CNTNAP3B: variants seen among roughly 807,000 people sequenced by gnomAD.
CNTNAP3B encodes contactin associated protein family member 3B, also known as contactin-associated protein-like 3B.
Under a neutral mutation model 108.9 loss-of-function variants are expected in CNTNAP3B, and 25 were observed. The observed-to-expected ratio is 0.23, with a 90% CI of 0.17 to 0.32. The LOEUF (loss-of-function observed/expected upper bound fraction) is 0.32, where lower values mean the gene tolerates loss of function less well. Among genes scored for constraint, CNTNAP3B ranks in the 10% least tolerant of loss-of-function variants. The pLI, the probability that CNTNAP3B is intolerant of heterozygous loss-of-function variation, is 1.00. For synonymous variants in CNTNAP3B, 103 were observed against 473.4 expected (o/e 0.22, Z 10.16); for missense variants, 252 against 1,210.4 (o/e 0.21, Z 11.75).
intron 2 of CNTNAP3B, among the ~76,000 whole-genome samples, chr9:42,103,594 G>T (rs1181648789): frequency 8.8e-6 from 1 of 114,090 alleles, no homozygotes; most frequent in South Asian, 2.8e-4. Flanking sequence ...AATTAGTCAG[G>T]CCTGGTGGCG....
intron 15 of CNTNAP3B, among the ~76,000 whole-genome samples, chr9:41,925,344 A>C (rs1823786110): frequency 6.6e-6 from 1 of 152,174 alleles, no homozygotes; most frequent in African/African-American, 2.4e-5. Context: ...CTGTAATCCC[A>C]GCAGTTTGGG....
At chr9:42,123,648 C>T (rs1387763274) in intron 1 of CNTNAP3B, among the ~76,000 whole-genome samples, 1 of 135,712 alleles carries the variant, frequency 7.4e-6, no homozygotes, top group Non-Finnish European at 1.6e-5. Context: ...TAAAAGATTC[C>T]CAATATGTAT....
At position 41,934,118 on chromosome 9, in the gene CNTNAP3B, TATATAC is replaced by T. The variant is rs1419937850; in HGVS notation, c.2237+4120_2237+4125del. On this transcript the variant is annotated intron_variant, in intron 14 of 23. Coordinates refer to ENST00000377561, the MANE Select transcript of CNTNAP3B (RefSeq NM_001201380.3). ...TTTGTTACATATATATATATATATATATATACACACACATATATATATACACACACA... is the reference window on the plus strand; with the variant it reads ...TTTGTTACATATATATATATATATATACACACATATATATATACACACACA... Among the ~76,000 whole-genome samples, 108 of 130,700 alleles carry T rather than the reference TATATAC, an allele frequency of 8.3e-4. 3 individuals are homozygous for T. Among genetic ancestry groups the T allele is most frequent in the Non-Finnish European group, 1.0e-3 (63 of 62,664 alleles). The allele number at this position is 130,700 out of a possible 152,430, so 85.7% of individuals were successfully genotyped here. A position where few individuals can be genotyped will look rare whatever the true frequency, so the allele number is the denominator to read the frequency against.
chr9:42,105,880 A>G (rs1424052088), intron 1 of CNTNAP3B, among the ~76,000 whole-genome samples: 1 of 53,682 alleles, frequency 1.9e-5, no homozygotes, highest in African/African-American at 6.4e-5. Context: ...ATATATCATT[A>G]GATGATTCTG....
rs531065042 is a variant in CNTNAP3B at position 42,086,466 on chromosome 9, C to T, written c.197-9404G>A. ...TTACATTTTTTTTTACATTTTACAA[C>T]AGGCGGAGTCTCGCTCTGTTGCCCA... On this transcript the variant is annotated intron_variant, in intron 2 of 23. Transcript: ENST00000377561. 5.2e-4 allele frequency among the ~76,000 whole-genome samples: 72 copies of T among 139,066 alleles called. 1 individual carries two copies. Among genetic ancestry groups the T allele is most frequent in the African/African-American group, 1.9e-3 (69 of 35,418 alleles). The allele number at this position is 139,066 out of a possible 152,430, so 91.2% of individuals were successfully genotyped here. A position where few individuals can be genotyped will look rare whatever the true frequency, so the allele number is the denominator to read the frequency against.
chr9:41,995,890 G>A (rs1825890189), intron 7 of CNTNAP3B, among the ~76,000 whole-genome samples: 1 of 143,768 alleles, frequency 7.0e-6, no homozygotes, highest in Non-Finnish European at 1.5e-5. Flanking sequence ...ACAAAAATTA[G>A]CTGGGCATGG....
intron 3 of CNTNAP3B, among the ~76,000 whole-genome samples, chr9:42,067,564 A>C (rs1342278369): frequency 6.6e-6 from 1 of 152,116 alleles, no homozygotes; most frequent in Non-Finnish European, 1.5e-5. Context: ...TAAATGAGAA[A>C]GCTAGAACTT....
chr9:42,016,913 T>TTG (rs1057174497), intron 3 of CNTNAP3B, among the ~76,000 whole-genome samples: 7 of 151,300 alleles, frequency 4.6e-5, no homozygotes, highest in Admixed American at 1.3e-4. Context: ...CCTCTGCAAT[T>TTG]TGTGTGTGTG....
intron 13 of CNTNAP3B, among the ~76,000 whole-genome samples, chr9:41,944,255 A>G (rs1278642005): frequency 1.4e-4 from 21 of 148,872 alleles, no homozygotes; most frequent in Non-Finnish European, 2.4e-4. Flanking sequence ...GAAAGGTAGG[A>G]GCATTAGAGA....
intron 10 of CNTNAP3B, among the ~76,000 whole-genome samples, chr9:41,969,067 A>C (rs1335943180): frequency 7.9e-5 from 12 of 152,294 alleles, no homozygotes; most frequent in Admixed American, 3.3e-4. Context: ...AAGTGCTGGG[A>C]TTACAGGCGT....
At chr9:41,987,658 GT>G (rs1825733380) in intron 8 of CNTNAP3B, among the ~76,000 whole-genome samples, 2 of 130,298 alleles carry the variant, frequency 1.5e-5, no homozygotes, top group Non-Finnish European at 3.4e-5. Flanking sequence ...GTCTTTGATG[GT>G]AAATTTAAAT....
chr9:41,919,616 C>G (rs1823614462), intron 18 of CNTNAP3B, among the ~76,000 whole-genome samples: 1 of 152,304 alleles, frequency 6.6e-6, no homozygotes, highest in Non-Finnish European at 1.5e-5. Context: ...TTTTGAATCA[C>G]TTAAAGTCAC....
chr9:42,007,793 CT>C (rs1826096508), intron 4 of CNTNAP3B, among the ~76,000 whole-genome samples: 1 of 106,398 alleles, frequency 9.4e-6, no homozygotes, highest in Non-Finnish European at 1.9e-5. Context: ...AAAAAATCAA[CT>C]TTAAGGGAGA....
chr9:42,046,105 C>A (rs1207571360), intron 3 of CNTNAP3B, among the ~76,000 whole-genome samples: 2 of 125,704 alleles, frequency 1.6e-5, no homozygotes, highest in Non-Finnish European at 3.3e-5. Context: ...GCTCACTTTG[C>A]AAACCACACA....
intron 13 of CNTNAP3B, among the ~76,000 whole-genome samples, chr9:41,940,127 A>G (rs1017264036): frequency 6.6e-6 from 1 of 152,300 alleles, no homozygotes. Flanking sequence ...ATAGGGTCCT[A>G]TCAGACAATA....
chr9:41,928,633 T>C (rs1346541089), intron 15 of CNTNAP3B, among the ~76,000 whole-genome samples: 3 of 152,290 alleles, frequency 2.0e-5, no homozygotes, highest in Admixed American at 1.3e-4. Context: ...CCCCCACACA[T>C]TGAGGTAGAA....
Position 42,080,688 on chromosome 9 carries a change from A to G in CNTNAP3B, c.197-3626T>C, listed in dbSNP as rs1202011895. On this transcript the variant is annotated intron_variant, in intron 2 of 23. Coordinates refer to ENST00000377561, the MANE Select transcript of CNTNAP3B (RefSeq NM_001201380.3). Reference sequence around the variant, plus strand: ...GTCTTTGTTTAAAAAAGAAAAGCATAAAGTTGGGAGTGAGGGGATTAACAG... The same window carrying G: ...GTCTTTGTTTAAAAAAGAAAAGCATGAAGTTGGGAGTGAGGGGATTAACAG... Among the ~76,000 whole-genome samples the G allele has an allele frequency of 3.5e-5, 4 of 114,390 alleles. No homozygotes were observed. The Admixed American group carries it at 3.6e-4, about 10-fold the overall frequency. The allele number at this position is 114,390 out of a possible 152,430, so 75.0% of individuals were successfully genotyped here. A position where few individuals can be genotyped will look rare whatever the true frequency, so the allele number is the denominator to read the frequency against.
intron 3 of CNTNAP3B, among the ~76,000 whole-genome samples, chr9:42,062,674 C>G (rs1429477665): frequency 1.8e-5 from 2 of 113,710 alleles, no homozygotes; most frequent in Non-Finnish European, 3.7e-5. Context: ...GCTTTGTTTC[C>G]TGACTACAGC....
In CNTNAP3B at chr9:41,953,253, C is replaced by T. The variant is rs1169565850; in HGVS notation, c.2010G>A (p.Val670=). The T allele has an allele frequency of 2.0e-6, 3 of 1,526,222 alleles. No homozygotes were observed. The highest frequency in any genetic ancestry group is 2.6e-6 in the Non-Finnish European group (3 of 1,144,966). The allele number at this position is 1,526,222 out of a possible 1,614,324, so 94.5% of individuals were successfully genotyped here. Residue 670 remains valine (V), a synonymous_variant, in exon 13 of 24, where the codon GTG becomes GTA. Coordinates refer to ENST00000377561, the MANE Select transcript of CNTNAP3B (RefSeq NM_001201380.3). ...AAGAGQLRAA[V]NLAERCEQRL... is the part of the protein sequence containing the mutation. ...GCTGCTCGCAGCGCTCCGCCAGGTT[C>T]ACCGCGGCCCGCAGCTGCCCCGCGC...
Sources: allele counts gnomAD v4.1 joint callset (sites outside exome capture counted in the v4.1 genomes callset), GRCh38; gene constraint gnomAD v4.1.1; transcripts MANE v1.5; gene names NCBI Gene and HGNC (gene_info 2026-07-23, HGNC 2026-07-21).